The following FANCM variants were observed in gnomAD, a reference collection of about 807,000 sequenced individuals.
FANCM encodes FA complementation group M, also known as Fanconi anemia group M protein.
In FANCM, 140 loss-of-function variants were observed where a neutral mutation model predicts 199.5. That is an observed-to-expected ratio of 0.70 (90% confidence interval 0.61 to 0.81). The LOEUF is 0.81. Ranked by LOEUF, FANCM falls within the 30% of genes least tolerant of loss-of-function variation. The probability of loss-of-function intolerance (pLI) is 0.00; values close to 1 mark genes in which losing one functional copy is unlikely to be tolerated. For missense variants in FANCM, 2,410 were observed against 2,421.4 expected, an observed-to-expected ratio of 1.00 and a Z score of 0.10; for synonymous variants, 840 against 836.8, an observed-to-expected ratio of 1.00 and a Z score of -0.07.
intron 9 of FANCM, among the ~76,000 whole-genome samples, chr14:45,163,000 C>A (rs958639379): frequency 2.0e-5 from 3 of 150,124 alleles, no homozygotes; most frequent in African/African-American, 7.3e-5. Flanking sequence ...TCTCCCTGTA[C>A]TCCGAGGATT....
chr14:45,198,084 G>A (rs1307733065), intron 21 of FANCM, among the ~76,000 whole-genome samples: 1 of 151,992 alleles, frequency 6.6e-6, no homozygotes, highest in Non-Finnish European at 1.5e-5. Context: ...GAAAAGTCAG[G>A]GATAAAGGAA....
intron 3 of FANCM, among the ~76,000 whole-genome samples, chr14:45,145,075 C>G (rs1353289152): frequency 1.3e-5 from 2 of 151,894 alleles, no homozygotes; most frequent in Non-Finnish European, 2.9e-5. Context: ...TGTGTTCTTC[C>G]CTTCAAGGTA....
At chr14:45,187,678 A>G in intron 18 of FANCM, 103 bp from the exon 19 acceptor site, 3 of 624,334 alleles carry the variant, frequency 4.8e-6, no homozygotes, top group Non-Finnish European at 5.8e-6. Flanking sequence ...ATATTTGCAC[A>G]AGGTTTGAAT....
chr14:45,168,928 T>C (rs1372065948), intron 11 of FANCM, among the ~76,000 whole-genome samples: 1 of 142,996 alleles, frequency 7.0e-6, no homozygotes. Context: ...TTTTTTATTT[T>C]ATTTTATTTT....
In FANCM at chr14:45,200,420, C is replaced by A. The variant is rs1301625519; in HGVS notation, c.*412C>A. The A allele has an allele frequency of 6.5e-6, 1 of 154,112 alleles. No individual in the cohort carries two copies. The highest frequency in any genetic ancestry group is 1.4e-5 in the Non-Finnish European group (1 of 69,796). The allele number at this position is 154,112 out of a possible 1,614,324, so 9.5% of individuals were successfully genotyped here. ...TGTAGATAGTATACTTTTAAGTGTA[C>A]TGATTCTAAATACATGTACTTGGTA... On this transcript the variant is annotated 3_prime_UTR_variant, in exon 23 of 23. Coordinates refer to ENST00000267430, the MANE Select transcript of FANCM (RefSeq NM_020937.4).
At chr14:45,197,085 T>C (rs1434086940) in intron 21 of FANCM, among the ~76,000 whole-genome samples, 1 of 152,152 alleles carries the variant, frequency 6.6e-6, no homozygotes, top group Admixed American at 6.5e-5. Flanking sequence ...AAGTGCAGGA[T>C]TGGAGCTTCA....
intron 13 of FANCM, among the ~76,000 whole-genome samples, chr14:45,174,310 C>T (rs1888524004): frequency 6.6e-6 from 1 of 151,866 alleles, no homozygotes; most frequent in Non-Finnish European, 1.5e-5. Context: ...TCACTTGAAC[C>T]CGGGAAGCGG....
At chr14:45,155,290 G>A in intron 7 of FANCM, 83 bp from the exon 8 acceptor site, 1 of 644,864 alleles carries the variant, frequency 1.6e-6, no homozygotes, top group South Asian at 1.7e-5. Flanking sequence ...ATATGCATTG[G>A]AAAAGATAAC....
rs1256979674 is a variant in FANCM, at chr14:45,200,661, C to A, written c.*653C>A. 1 of 152,240 alleles carries A rather than the reference C, an allele frequency of 6.6e-6. No homozygotes were observed. The highest frequency in any genetic ancestry group is 1.9e-4 in the East Asian group (1 of 5,198). 9.4% of individuals were successfully genotyped at this position (152,240 alleles called of 1,614,324 possible). On this transcript the variant is annotated 3_prime_UTR_variant, in exon 23 of 23. Coordinates refer to ENST00000267430, the MANE Select transcript of FANCM (RefSeq NM_020937.4). Reference sequence around the variant, plus strand: ...TCCCAATATATTGGGGAGGGACCTCCTGGAACGTGATTAGCTCATGGGGGC... The same window carrying A: ...TCCCAATATATTGGGGAGGGACCTCATGGAACGTGATTAGCTCATGGGGGC...
Position 45,198,751 on chromosome 14 carries a change from G to A in FANCM, c.5824G>A (p.Ala1942Thr), listed in dbSNP as rs759078220. The change falls in exon 22 of 23, where the codon GCA (alanine) becomes ACA (threonine). Residue 1942 changes from alanine (A) to threonine (T), a missense_variant. By Grantham distance (58) the Ala-to-Thr change is moderately conservative. Coordinates refer to ENST00000267430, the MANE Select transcript of FANCM (RefSeq NM_020937.4). ...TTTCAGTTCCTGCCAAGAAGAAACC[G>A]CAGATTTGCTAAAGGAACTGTCTTT... ...ILFSSCQEET[A>T]DLLKELSLVE... The A allele has an allele frequency of 5.6e-6, 9 of 1,613,842 alleles. No homozygotes were observed. The highest frequency in any genetic ancestry group is 5.0e-5 in the Admixed American group (3 of 59,988).
intron 3 of FANCM, among the ~76,000 whole-genome samples, chr14:45,143,214 G>A (rs1378096251): frequency 2.0e-5 from 3 of 150,720 alleles, no homozygotes; most frequent in African/African-American, 7.4e-5. Flanking sequence ...GAGTCCTCCA[G>A]GCTGGAGGGC....
In FANCM at chr14:45,187,835, A is replaced by G. The variant is rs748182153; in HGVS notation, c.4727A>G (p.Asn1576Ser). ...MKSLRSPMMN[N>S]KYKMIHKTHK... is the part of the protein sequence containing the mutation. ...TCTTTGCGTAGTCCAATGATGAACA[A>G]TAAGTACAAAATGATTCATAAGACA... Residue 1576 changes from asparagine to serine, a missense_variant, in exon 19 of 23, where the codon AAT becomes AGT. Coordinates refer to ENST00000267430, the MANE Select transcript of FANCM (RefSeq NM_020937.4). 7.6e-6 allele frequency: 12 copies of G among 1,581,594 alleles called. No individual in the cohort carries two copies. The highest frequency in any genetic ancestry group is 3.3e-4 in the Middle Eastern group (2 of 5,996).
At chr14:45,155,321 T>C (rs1887102445) in intron 7 of FANCM, 52 bp from the exon 8 acceptor site, 2 of 788,860 alleles carry the variant, frequency 2.5e-6, no homozygotes, top group South Asian at 2.9e-5. Context: ...ATTAGTGTAA[T>C]TGAATATGGA....
At chr14:45,170,558 GTC>G in intron 11 of FANCM, 29 bp from the exon 12 acceptor site, 1 of 1,535,362 alleles carries the variant, frequency 6.5e-7, no homozygotes, top group Non-Finnish European at 9.0e-7. Flanking sequence ...TTTTTAAAAA[GTC>G]TCTTTTCCAT....
chr14:45,175,798 C>G lies in FANCM; in HGVS notation c.3044C>G (p.Thr1015Ser), dbSNP rs750927672. 3 of 1,613,776 alleles carry G rather than the reference C, an allele frequency of 1.9e-6. No individual in the cohort carries two copies. Among genetic ancestry groups the G allele is most frequent in the Non-Finnish European group, 2.5e-6 (3 of 1,179,902 alleles). ...SDLEYEIAKG[T>S]ALENLLFLPC... is the part of the protein sequence containing the mutation. ...TTGGAATATGAAATTGCTAAGGGTA[C>G]TGCACTTGAGAATTTGCTTTTCTTA... The change falls in exon 14 of 23, where the codon ACT (threonine) becomes AGT (serine). Residue 1015 changes from threonine (T) to serine (S), a missense_variant. By Grantham distance (58) the Thr-to-Ser change is moderately conservative. Coordinates refer to ENST00000267430, the MANE Select transcript of FANCM (RefSeq NM_020937.4).
In FANCM at chr14:45,181,447, A is replaced by C; in HGVS notation, c.4240A>C (p.Ser1414Arg). 6.3e-7 allele frequency: 1 copy of C among 1,585,224 alleles called. No individual in the cohort carries two copies. Among genetic ancestry groups the C allele is most frequent in the African/African-American group, 1.3e-5 (1 of 74,414 alleles). ...AATTATAGATGGACAATTATTAACA[A>C]GTAACGAAAGTGAAGATGACGAGAT... ...HSVEDGQLLT[S>R]NESEDDEIFR... The change falls in exon 15 of 23, where the codon AGT (serine) becomes CGT (arginine). Residue 1414 changes from serine to arginine, a missense_variant. By Grantham distance (110) the Ser-to-Arg change is moderately radical. Transcript: ENST00000267430.
intron 11 of FANCM, chr14:45,167,370 G>A (rs1888059371): frequency 1.8e-6 from 1 of 540,690 alleles, no homozygotes; most frequent in African/African-American, 1.9e-5. Flanking sequence ...ACTCAGTGTT[G>A]GGGAAAATTA....
chr14:45,156,296 C>T (rs1887185472), intron 8 of FANCM, among the ~76,000 whole-genome samples: 1 of 152,142 alleles, frequency 6.6e-6, no homozygotes, highest in African/African-American at 2.4e-5. Context: ...ACAAGTATGA[C>T]TGAGCCTACA....
Position 45,196,428 on chromosome 14 carries a change from G to C in FANCM, c.5597G>C (p.Arg1866Thr), listed in dbSNP as rs1259983532. 6.2e-7 allele frequency: 1 copy of C among 1,614,024 alleles called. No homozygotes were observed. Among genetic ancestry groups the C allele is most frequent in the Non-Finnish European group, 8.5e-7 (1 of 1,180,024 alleles). Residue 1866 changes from arginine (R) to threonine (T), a missense_variant, in exon 21 of 23, where the codon AGG becomes ACG. Coordinates refer to ENST00000267430, the MANE Select transcript of FANCM (RefSeq NM_020937.4). ...IVSNRMVVER[R>T]SQSEMLNSVN... Reference sequence around the variant, plus strand: ...AGTAATCGCATGGTGGTGGAAAGGAGGTCTCAATCTGAGATGTTAAATAGT... The same window carrying C: ...AGTAATCGCATGGTGGTGGAAAGGACGTCTCAATCTGAGATGTTAAATAGT...
Sources: allele counts gnomAD v4.1 joint callset (sites outside exome capture counted in the v4.1 genomes callset), GRCh38; gene constraint gnomAD v4.1.1; transcripts MANE v1.5; gene names NCBI Gene and HGNC (gene_info 2026-07-23, HGNC 2026-07-21).